The following CBFB variants were observed in gnomAD, a reference collection of about 807,000 sequenced individuals.
The protein encoded by CBFB is core-binding factor subunit beta, also known as CBF-beta.
In CBFB, 9 loss-of-function variants were observed where a neutral mutation model predicts 30.4. The ratio of observed to expected loss-of-function variants is 0.30; its 90% confidence interval spans 0.18 to 0.52. The LOEUF (loss-of-function observed/expected upper bound fraction) is 0.52. CBFB is among the 20% of genes least tolerant of loss of function. CBFB has a pLI of 0.97. For synonymous variants in CBFB, 94 were observed against 84.0 expected (o/e 1.12, Z -0.65); for missense variants, 170 against 244.0 (o/e 0.70, Z 2.02).
intron 5 of CBFB, among the ~76,000 whole-genome samples, chr16:67,082,933 A>G (rs1191448152): frequency 1.3e-5 from 2 of 152,192 alleles, no homozygotes; most frequent in African/African-American, 2.4e-5. Context: ...CTATAGCCCA[A>G]TGAATTACTG....
chr16:67,055,658 C>T (rs1960701725), intron 3 of CBFB, among the ~76,000 whole-genome samples: 1 of 152,076 alleles, frequency 6.6e-6, no homozygotes, highest in Non-Finnish European at 1.5e-5. Context: ...ACCCGGCCTC[C>T]AGACACTTTC....
rs374509659 is a variant in CBFB, at chr16:67,039,882, G to A, written c.282+3127G>A. ...CTGTGTTCCATAAATGGTGACACTGGTAGAAATCAGTATCTTTCCCTCAGA... is the reference window on the plus strand; with the variant it reads ...CTGTGTTCCATAAATGGTGACACTGATAGAAATCAGTATCTTTCCCTCAGA... On this transcript the variant is annotated intron_variant, in intron 3 of 5. Coordinates refer to ENST00000412916, the MANE Select transcript of CBFB (RefSeq NM_022845.3). 2.6e-5 allele frequency among the ~76,000 whole-genome samples: 4 copies of A among 152,198 alleles called. No homozygotes were observed. In the South Asian group the frequency reaches 8.3e-4, roughly 32 times the overall value.
chr16:67,092,893 A>T (rs1961937796), intron 5 of CBFB, among the ~76,000 whole-genome samples: 1 of 151,180 alleles, frequency 6.6e-6, no homozygotes, highest in Non-Finnish European at 1.5e-5. Context: ...TTATATTTTT[A>T]GTAGAGATGG....
intron 3 of CBFB, among the ~76,000 whole-genome samples, chr16:67,060,304 T>G (rs989052417): frequency 6.6e-6 from 1 of 152,152 alleles, no homozygotes; most frequent in African/African-American, 2.4e-5. Context: ...TGAGATACAA[T>G]TCACATACCA....
chr16:67,048,740 A>C (rs1966676934), intron 3 of CBFB, among the ~76,000 whole-genome samples: 1 of 148,762 alleles, frequency 6.7e-6, no homozygotes, highest in African/African-American at 2.5e-5. Context: ...TTTTTAGTAG[A>C]GACGGGTTTT....
chr16:67,029,988 G>A (rs1460142480), intron 2 of CBFB, 175 bp downstream of exon 2: 3 of 478,152 alleles, frequency 6.3e-6, no homozygotes, highest in African/African-American at 6.2e-5. Context: ...CGGTACTCGC[G>A]GGGAGACGCT....
chr16:67,052,768 C>T (rs1326057641), intron 3 of CBFB, among the ~76,000 whole-genome samples: 1 of 151,926 alleles, frequency 6.6e-6, no homozygotes, highest in South Asian at 2.1e-4. Context: ...TACAGACCAG[C>T]CCGGGCAACA....
chr16:67,090,896 A>C (rs1961861595), intron 5 of CBFB, among the ~76,000 whole-genome samples: 1 of 152,212 alleles, frequency 6.6e-6, no homozygotes, highest in Non-Finnish European at 1.5e-5. Flanking sequence ...TATTTTGCAT[A>C]GTTTTGGGGC....
chr16:67,071,734 T>C (rs1961226726), intron 4 of CBFB, among the ~76,000 whole-genome samples: 1 of 152,148 alleles, frequency 6.6e-6, no homozygotes, highest in Admixed American at 6.6e-5. Context: ...GGATAGCATA[T>C]GTAAAGGGCT....
intron 5 of CBFB, among the ~76,000 whole-genome samples, chr16:67,089,382 G>A (rs752648498): frequency 4.6e-5 from 7 of 152,114 alleles, no homozygotes; most frequent in Non-Finnish European, 1.0e-4. Context: ...CCAGGTACCT[G>A]GGGGACAAAA....
intron 5 of CBFB, among the ~76,000 whole-genome samples, chr16:67,083,690 G>T (rs1961634732): frequency 6.6e-6 from 1 of 151,958 alleles, no homozygotes; most frequent in Non-Finnish European, 1.5e-5. Flanking sequence ...TAAAATTTGA[G>T]CTTTTTTCCC....
intron 4 of CBFB, among the ~76,000 whole-genome samples, chr16:67,076,793 A>G (rs534169234): frequency 2.9e-4 from 44 of 152,208 alleles, no homozygotes; most frequent in Non-Finnish European, 5.0e-4. Context: ...ACTTTACTAC[A>G]AAGACTCATT....
intron 3 of CBFB, among the ~76,000 whole-genome samples, chr16:67,038,266 T>C (rs367633663): frequency 1.3e-5 from 2 of 151,428 alleles, no homozygotes; most frequent in African/African-American, 4.9e-5. Context: ...TTGAGAAATA[T>C]TTAATTTAAT....
intron 3 of CBFB, among the ~76,000 whole-genome samples, chr16:67,064,743 G>C (rs775887442): frequency 6.6e-6 from 1 of 152,096 alleles, no homozygotes; most frequent in Non-Finnish European, 1.5e-5. Flanking sequence ...ATTTGGGTAT[G>C]ATGTATACCT....
At chr16:67,051,752 T>G (rs1960547907) in intron 3 of CBFB, among the ~76,000 whole-genome samples, 1 of 149,144 alleles carries the variant, frequency 6.7e-6, no homozygotes, top group South Asian at 2.1e-4. Context: ...GTTTTTTTTG[T>G]GTTTTTTTTT....
At chr16:67,034,977 G>T (rs1310697716) in intron 2 of CBFB, among the ~76,000 whole-genome samples, 1 of 151,440 alleles carries the variant, frequency 6.6e-6, no homozygotes, top group Non-Finnish European at 1.5e-5. Flanking sequence ...TATGCTTCAG[G>T]TCGTACAGCC....
chr16:67,074,728 C>G (rs1472885959), intron 4 of CBFB, among the ~76,000 whole-genome samples: 2 of 152,020 alleles, frequency 1.3e-5, no homozygotes, highest in African/African-American at 4.8e-5. Flanking sequence ...ATTTTGTGAC[C>G]TTGGAGTAGG....
intron 3 of CBFB, among the ~76,000 whole-genome samples, chr16:67,052,231 A>G (rs1406438231): frequency 6.6e-6 from 1 of 152,142 alleles, no homozygotes; most frequent in African/African-American, 2.4e-5. Flanking sequence ...GTTTTGAGTT[A>G]AGTAACATTA....
intron 3 of CBFB, among the ~76,000 whole-genome samples, chr16:67,055,941 A>G (rs1960710729): frequency 6.6e-6 from 1 of 152,192 alleles, no homozygotes; most frequent in Admixed American, 6.5e-5. Context: ...TGATTACAGC[A>G]AGCGACAGGG....
Sources: allele counts gnomAD v4.1 joint callset (sites outside exome capture counted in the v4.1 genomes callset), GRCh38; gene constraint gnomAD v4.1.1; transcripts MANE v1.5; gene names NCBI Gene and HGNC (gene_info 2026-07-23, HGNC 2026-07-21).